The following CUBN variants were observed in gnomAD, a reference collection of about 807,000 sequenced individuals.
The protein encoded by CUBN is 460 kDa receptor.
CUBN carries 282 observed loss-of-function variants against 405.3 expected under a neutral mutation model. The observed-to-expected ratio is 0.70, with a 90% confidence interval of 0.63 to 0.77. CUBN has a LOEUF of 0.77. Among genes scored for constraint, CUBN ranks in the 30% least tolerant of loss-of-function variants. The pLI is 0.00. For missense variants in CUBN, 4,514 were observed against 4,475.2 expected (o/e 1.01, Z -0.25); for synonymous variants, 1,684 against 1,617.0 (o/e 1.04, Z -0.99).
At position 17,069,053 on chromosome 10, in the gene CUBN, C is replaced by T. The variant is rs192015196; in HGVS notation, c.2626-283G>A. ...AAAATGGGATTATACAATATGGGGT[C>T]TTTTGTGATTAGCTTCTTTCACACT... is the stretch of plus-strand genomic sequence containing the variant. On this transcript the variant is annotated intron_variant, in intron 19 of 66. Coordinates refer to ENST00000377833, the MANE Select transcript of CUBN (RefSeq NM_001081.4). 7.9e-5 allele frequency among the ~76,000 whole-genome samples: 12 copies of T among 152,216 alleles called. No homozygotes were observed. The East Asian group carries it at 1.9e-3, about 24-fold the overall frequency.
Position 16,925,245 on chromosome 10 carries a change from A to C in CUBN, c.6642T>G (p.Ser2214Arg). The C allele has an allele frequency of 6.2e-7, 1 of 1,610,380 alleles. No individual in the cohort carries two copies. The highest frequency in any genetic ancestry group is 1.3e-5 in the African/African-American group (1 of 74,890). ...ATTCTCAGTGAAAATACTTACCTAA[A>C]CTCTTTGCCTCATATTTGATTTTAA... ...QGFKIKYEAK[S>R]LACGGNVYIH... The change falls in exon 43 of 67, where the codon AGT becomes AGG. Residue 2214 changes from serine to arginine, a missense_variant. By Grantham distance (110) the Ser-to-Arg change is moderately radical. This residue lies in a region of CUBN where 1,613 missense variants were observed against 1,542.8 expected (regional missense o/e 1.05). Coordinates refer to ENST00000377833, the MANE Select transcript of CUBN (RefSeq NM_001081.4).
At position 16,915,926 on chromosome 10, in the gene CUBN, C is replaced by T. The variant is rs1323923916; in HGVS notation, c.7105G>A (p.Gly2369Arg). The change falls in exon 46 of 67, where the codon GGG (glycine) becomes AGG (arginine). Residue 2369 changes from glycine (G) to arginine (R), a missense_variant. Coordinates refer to ENST00000377833, the MANE Select transcript of CUBN (RefSeq NM_001081.4). Reference protein sequence around the residue: ...DNLFCEWHLQGLSGHYLTISF... With the variant: ...DNLFCEWHLQRLSGHYLTISF... The stretch of plus-strand genomic sequence containing the variant: ...ATGGTGAGATAGTGTCCAGAGAGCC[C>T]CTGGAGATGCCACTCACAGAATAAG... The T allele has an allele frequency of 6.2e-7, 1 of 1,613,844 alleles. No individual in the cohort carries two copies. The highest frequency in any genetic ancestry group is 8.5e-7 in the Non-Finnish European group (1 of 1,179,802).
chr10:16,919,492 C>T (rs1275616562), intron 44 of CUBN, among the ~76,000 whole-genome samples: 1 of 152,204 alleles, frequency 6.6e-6, no homozygotes, highest in East Asian at 1.9e-4. Context: ...GTAATCCTTT[C>T]AGAACTCTTA....
intron 19 of CUBN, among the ~76,000 whole-genome samples, chr10:17,070,328 A>G (rs1438177986): frequency 6.6e-6 from 1 of 152,166 alleles, no homozygotes; most frequent in Non-Finnish European, 1.5e-5. Context: ...TAATTTTTCA[A>G]GAACATTTTG....
intron 31 of CUBN, among the ~76,000 whole-genome samples, chr10:16,977,648 A>C (rs1833137800): frequency 6.6e-6 from 1 of 152,194 alleles, no homozygotes; most frequent in African/African-American, 2.4e-5. Context: ...GATGGGTACC[A>C]AGAGGACACT....
intron 6 of CUBN, among the ~76,000 whole-genome samples, chr10:17,116,568 G>A (rs1363303570): frequency 1.3e-5 from 2 of 152,194 alleles, no homozygotes; most frequent in Non-Finnish European, 2.9e-5. Flanking sequence ...GCGTGGCCAG[G>A]CCTCCCTCCC....
At chr10:16,855,590 C>T (rs545453508) in intron 59 of CUBN, among the ~76,000 whole-genome samples, 5 of 152,100 alleles carry the variant, frequency 3.3e-5, no homozygotes, top group Non-Finnish European at 7.3e-5. Flanking sequence ...CAAGCTAGTC[C>T]GTGGACCCAT....
intron 21 of CUBN, among the ~76,000 whole-genome samples, chr10:17,067,432 GA>G (rs1835634845): frequency 6.6e-6 from 1 of 152,094 alleles, no homozygotes; most frequent in Admixed American, 6.6e-5. Flanking sequence ...GAGTGAACTT[GA>G]ATATATAGTA....
At chr10:17,088,927 T>C (rs1320909636) in intron 14 of CUBN, among the ~76,000 whole-genome samples, 2 of 152,214 alleles carry the variant, frequency 1.3e-5, no homozygotes, top group African/African-American at 4.8e-5. Flanking sequence ...CTGACCCCAC[T>C]ACCATCCTCA....
intron 28 of CUBN, 115 bp downstream of exon 28, chr10:17,019,718 C>A (rs1834440223): frequency 1.6e-6 from 2 of 1,233,274 alleles, no homozygotes; most frequent in Admixed American, 1.7e-5. Context: ...CATGAGATTA[C>A]TACCTGGGTT....
rs1489014361 is a variant in CUBN at position 16,828,466 on chromosome 10, C to T, written c.10764+339G>A. On this transcript the variant is annotated intron_variant, in intron 66 of 66. Coordinates refer to ENST00000377833, the MANE Select transcript of CUBN (RefSeq NM_001081.4). Reference sequence around the variant, plus strand: ...GGCCCAGTGGCTCACGCGTGTAATCCCAACACTTTCGGAGGCCCAAGCGGG... The same window carrying T: ...GGCCCAGTGGCTCACGCGTGTAATCTCAACACTTTCGGAGGCCCAAGCGGG... Among the ~76,000 whole-genome samples the T allele has an allele frequency of 3.9e-5, 6 of 152,232 alleles. No individual in the cohort carries two copies. In the South Asian group the frequency reaches 8.3e-4, roughly 21 times the overall value.
At chr10:16,997,600 A>G (rs940755328) in intron 28 of CUBN, among the ~76,000 whole-genome samples, 1 of 152,208 alleles carries the variant, frequency 6.6e-6, no homozygotes, top group African/African-American at 2.4e-5. Context: ...TGGAGTGAGT[A>G]TACAGGCCTC....
Position 16,906,374 on chromosome 10 carries a change from T to G in CUBN, c.7741A>C (p.Asn2581His), listed in dbSNP as rs762764264. 1.7e-5 allele frequency: 28 copies of G among 1,613,896 alleles called. No individual in the cohort carries two copies. The South Asian group carries it at 3.1e-4, about 18-fold the overall frequency. ...CCGTCATAGCCAGGAGAAGTAAAGT[T>G]TCCTTCAGGAGTATTTGGAAGAGAC... is the stretch of plus-strand genomic sequence containing the variant. ...GGSLPNTPEG[N>H]FTSPGYDGVR... Residue 2581 changes from asparagine (N) to histidine (H), a missense_variant, in exon 50 of 67, where the codon AAC (asparagine) becomes CAC (histidine). Transcript: ENST00000377833.
chr10:16,948,533 A>G lies in CUBN; in HGVS notation c.5154T>C (p.Ser1718=). ...AACCCCCAGCACTGATGCTAGAATC[A>G]GAGACGAATCTCAGCGTCAGGGCGC... ...FSSALTLRFV[S]DSSISAGGFH... Residue 1718 remains serine, a synonymous_variant, in exon 35 of 67, where the codon TCT becomes TCC. Coordinates refer to ENST00000377833, the MANE Select transcript of CUBN (RefSeq NM_001081.4). The G allele has an allele frequency of 6.2e-7, 1 of 1,614,112 alleles. No individual in the cohort carries two copies. The highest frequency in any genetic ancestry group is 8.5e-7 in the Non-Finnish European group (1 of 1,179,984).
At chr10:16,921,932 TG>T (rs1842046033) in intron 43 of CUBN, among the ~76,000 whole-genome samples, 1 of 152,194 alleles carries the variant, frequency 6.6e-6, no homozygotes, top group African/African-American at 2.4e-5. Context: ...TTGTCTCAAA[TG>T]AACATTCTCA....
chr10:17,076,903 C>T (rs1036963851), intron 17 of CUBN, among the ~76,000 whole-genome samples: 7 of 152,212 alleles, frequency 4.6e-5, no homozygotes, highest in Admixed American at 4.6e-4. Context: ...TTGAAAGCCA[C>T]AGACGCTTTT....
chr10:16,843,130 C>G (rs751430788), intron 60 of CUBN, among the ~76,000 whole-genome samples: 3 of 152,212 alleles, frequency 2.0e-5, no homozygotes, highest in African/African-American at 7.2e-5. Flanking sequence ...GACAGAGACT[C>G]TGTCTGACTT....
chr10:16,937,803 A>T lies in CUBN; in HGVS notation c.5734-19T>A. ...CATAGATCTGTACATAAAAACAGAT[A>T]ATAGAGCATTGTATTATCTATATTT... On this transcript the variant is annotated intron_variant, in intron 38 of 66. Coordinates refer to ENST00000377833, the MANE Select transcript of CUBN (RefSeq NM_001081.4). 6.2e-7 allele frequency: 1 copy of T among 1,605,510 alleles called. No individual in the cohort carries two copies. The highest frequency in any genetic ancestry group is 1.1e-5 in the South Asian group (1 of 90,866).
At chr10:16,944,854 T>C (rs1842736338) in intron 36 of CUBN, among the ~76,000 whole-genome samples, 1 of 152,338 alleles carries the variant, frequency 6.6e-6, no homozygotes, top group South Asian at 2.1e-4. Flanking sequence ...TTGGATTTAT[T>C]TGTGAGCTAT....
Sources: gnomAD v4.1 joint callset for allele counts (sites outside exome capture counted in the v4.1 genomes callset) on GRCh38, gnomAD v4.1.1 for gene constraint, gnomAD v4.1.1 regional missense constraint, MANE v1.5 for transcripts, NCBI Gene and HGNC (gene_info 2026-07-23, HGNC 2026-07-21) for gene names.